The following SORCS3 variants were observed in gnomAD, a reference collection of about 807,000 sequenced individuals.
SORCS3 encodes the protein sortilin related VPS10 domain containing receptor 3, also known as VPS10 domain-containing receptor SorCS3.
In SORCS3, 57 loss-of-function variants were observed where a neutral mutation model predicts 146.3. The observed-to-expected ratio is 0.39, with a 90% CI of 0.31 to 0.49. SORCS3 has a LOEUF of 0.49. Among genes scored for constraint, SORCS3 ranks in the 20% least tolerant of loss-of-function variants. The pLI, the probability that SORCS3 is intolerant of heterozygous loss-of-function variation, is 0.92. For synonymous variants in SORCS3, 653 were observed against 618.5 expected (o/e 1.06, Z -0.83); for missense variants, 1,341 against 1,575.5 (o/e 0.85, Z 2.52).
chr10:105,012,156 A>G (rs1360567683), intron 4 of SORCS3, among the ~76,000 whole-genome samples: 1 of 152,144 alleles, frequency 6.6e-6, no homozygotes, highest in Non-Finnish European at 1.5e-5. Flanking sequence ...CAGATTTTTA[A>G]GCGCATAGAA....
intron 3 of SORCS3, among the ~76,000 whole-genome samples, chr10:104,941,466 G>C (rs769455386): frequency 2.0e-5 from 3 of 152,116 alleles, no homozygotes; most frequent in Non-Finnish European, 4.4e-5. Flanking sequence ...CTCTTCAGAG[G>C]AGGCTAACTC....
chr10:105,057,923 G>A (rs1031538286), intron 5 of SORCS3, among the ~76,000 whole-genome samples: 3 of 152,112 alleles, frequency 2.0e-5, no homozygotes, highest in African/African-American at 7.2e-5. Flanking sequence ...ATCAGGACAC[G>A]TTCTCCCCTT....
At chr10:105,204,643 G>A (rs1353082378) in intron 16 of SORCS3, among the ~76,000 whole-genome samples, 1 of 151,694 alleles carries the variant, frequency 6.6e-6, no homozygotes, top group Non-Finnish European at 1.5e-5. Context: ...CTTGAGTAAA[G>A]TAGAGAAGTA....
intron 12 of SORCS3, 112 bp downstream of exon 12, chr10:105,164,491 T>G (rs1589665642): frequency 1.2e-6 from 1 of 837,262 alleles, no homozygotes; most frequent in East Asian, 2.6e-5. Flanking sequence ...TTTCAAAACA[T>G]TTGAAGCAGC....
intron 1 of SORCS3, among the ~76,000 whole-genome samples, chr10:104,772,100 G>A (rs2017256166): frequency 6.6e-6 from 1 of 152,178 alleles, no homozygotes; most frequent in Admixed American, 6.5e-5. Context: ...TGGGCGTCTT[G>A]GGTGTTGCAA....
intron 7 of SORCS3, among the ~76,000 whole-genome samples, chr10:105,120,384 A>G (rs144338835): frequency 1.0e-3 from 156 of 152,270 alleles, no homozygotes; most frequent in Middle Eastern, 3.4e-3. Context: ...ACAGACTAAT[A>G]CACTTTCTCT....
intron 1 of SORCS3, among the ~76,000 whole-genome samples, chr10:104,688,386 G>A (rs1198193182): frequency 1.3e-5 from 2 of 152,232 alleles, no homozygotes; most frequent in East Asian, 1.9e-4. Context: ...GGACCCAGCC[G>A]TGGTGCAGAA....
chr10:104,714,094 A>G (rs1040296686), intron 1 of SORCS3, among the ~76,000 whole-genome samples: 2 of 152,126 alleles, frequency 1.3e-5, no homozygotes, highest in African/African-American at 2.4e-5. Context: ...ATCCATAATG[A>G]TGACTAGTCT....
At chr10:105,177,874 G>A (rs151234745) in intron 13 of SORCS3, among the ~76,000 whole-genome samples, 192 bp from the exon 14 acceptor site, 82 of 152,100 alleles carry the variant, frequency 5.4e-4, no homozygotes, top group African/African-American at 1.9e-3. Flanking sequence ...TGCTGTCTCC[G>A]CCCAAGTCCA....
At chr10:105,061,336 C>T (rs1449006569) in intron 5 of SORCS3, among the ~76,000 whole-genome samples, 1 of 150,108 alleles carries the variant, frequency 6.7e-6, no homozygotes, top group Non-Finnish European at 1.5e-5. Flanking sequence ...GCTCTGTCAC[C>T]CAGGCTGGAG....
intron 1 of SORCS3, among the ~76,000 whole-genome samples, chr10:104,663,511 C>G (rs931833729): frequency 1.3e-5 from 2 of 152,170 alleles, no homozygotes; most frequent in Non-Finnish European, 1.5e-5. Flanking sequence ...CCATTGCTTT[C>G]CTCTCTCCGC....
chr10:104,808,961 C>A (rs554286849), intron 1 of SORCS3, among the ~76,000 whole-genome samples: 3 of 152,184 alleles, frequency 2.0e-5, no homozygotes, highest in Admixed American at 6.5e-5. Context: ...GCAAAATCAA[C>A]CCATTGATTG....
intron 2 of SORCS3, among the ~76,000 whole-genome samples, chr10:104,845,064 A>G (rs1389986104): frequency 6.6e-6 from 1 of 152,130 alleles, no homozygotes; most frequent in Admixed American, 6.5e-5. Flanking sequence ...ACTTTTCCTG[A>G]GAGCCTTTAC....
chr10:105,154,906 A>G (rs1173826057), intron 9 of SORCS3, among the ~76,000 whole-genome samples: 3 of 152,228 alleles, frequency 2.0e-5, no homozygotes, highest in African/African-American at 7.2e-5. Context: ...CAGTCCATTT[A>G]TACAAGACAT....
At chr10:104,653,799 T>TA (rs2015592138) in intron 1 of SORCS3, among the ~76,000 whole-genome samples, 1 of 152,222 alleles carries the variant, frequency 6.6e-6, no homozygotes, top group African/African-American at 2.4e-5. Flanking sequence ...TCATTTGTGT[T>TA]ACAAATAATC....
chr10:104,988,260 C>T (rs916348841), intron 4 of SORCS3, among the ~76,000 whole-genome samples: 8 of 152,214 alleles, frequency 5.3e-5, no homozygotes, highest in South Asian at 2.1e-4. Context: ...AAGACAGAAC[C>T]GCATATGGGC....
chr10:104,997,907 T>C (rs1253740072), intron 4 of SORCS3, among the ~76,000 whole-genome samples: 2 of 152,108 alleles, frequency 1.3e-5, no homozygotes, highest in Non-Finnish European at 2.9e-5. Context: ...GTTAATCACA[T>C]ATGGTGCTAT....
At chr10:104,671,139 T>C (rs190698390) in intron 1 of SORCS3, among the ~76,000 whole-genome samples, 1 of 151,756 alleles carries the variant, frequency 6.6e-6, no homozygotes, top group African/African-American at 2.4e-5. Context: ...CCTTTTTTTT[T>C]TCTTGCCGAA....
chr10:104,745,995 G>C (rs1456214689), intron 1 of SORCS3, among the ~76,000 whole-genome samples: 1 of 152,064 alleles, frequency 6.6e-6, no homozygotes, highest in Admixed American at 6.6e-5. Context: ...GGACACTTAG[G>C]TTGCATCCAT....
Sources: allele counts gnomAD v4.1 joint callset (sites outside exome capture counted in the v4.1 genomes callset), GRCh38; gene constraint gnomAD v4.1.1; transcripts MANE v1.5; gene names NCBI Gene and HGNC (gene_info 2026-07-23, HGNC 2026-07-21).